Variants in DPYSL2 observed in about 807,000 individuals in gnomAD.
The protein encoded by DPYSL2 is dihydropyrimidinase like 2.
DPYSL2 carries 13 observed loss-of-function variants against 69.9 expected under a neutral mutation model. That is an observed-to-expected ratio of 0.19 (90% CI 0.12 to 0.30). The LOEUF (loss-of-function observed/expected upper bound fraction) is 0.30. Among genes scored for constraint, DPYSL2 ranks in the 10% least tolerant of loss-of-function variants. DPYSL2 has a pLI of 1.00. For missense variants in DPYSL2, 587 were observed against 918.9 expected, an observed-to-expected ratio of 0.64 and a Z score of 4.67; for synonymous variants, 326 against 359.1, an observed-to-expected ratio of 0.91 and a Z score of 1.04.
At chr8:26,615,492 A>C (rs1442942721) in intron 3 of DPYSL2, among the ~76,000 whole-genome samples, 1 of 152,076 alleles carries the variant, frequency 6.6e-6, no homozygotes, top group Non-Finnish European at 1.5e-5. Context: ...TGTCCAGTGG[A>C]TGCTGGGGTT....
chr8:26,547,166 C>T (rs983160167), intron 1 of DPYSL2, among the ~76,000 whole-genome samples: 3 of 151,790 alleles, frequency 2.0e-5, no homozygotes, highest in African/African-American at 7.3e-5. Flanking sequence ...AGTTGGAGGC[C>T]AGCCTGGGCA....
At chr8:26,616,327 C>G (rs1390355018) in intron 3 of DPYSL2, among the ~76,000 whole-genome samples, 1 of 152,090 alleles carries the variant, frequency 6.6e-6, no homozygotes, top group Non-Finnish European at 1.5e-5. Flanking sequence ...ATCTCTCCTT[C>G]AAAAAAAGCC....
chr8:26,651,047 C>T (rs1266523492), intron 11 of DPYSL2, among the ~76,000 whole-genome samples: 3 of 152,162 alleles, frequency 2.0e-5, no homozygotes, highest in East Asian at 3.9e-4. Flanking sequence ...GGATGAGTGT[C>T]TTAGAATTGA....
intron 7 of DPYSL2, among the ~76,000 whole-genome samples, chr8:26,633,761 C>T (rs1401242242): frequency 6.6e-6 from 1 of 152,154 alleles, no homozygotes; most frequent in African/African-American, 2.4e-5. Flanking sequence ...CAGGTGTGAG[C>T]CACCACACTG....
intron 4 of DPYSL2, among the ~76,000 whole-genome samples, chr8:26,625,345 G>C (rs1192000153): frequency 6.6e-6 from 1 of 152,198 alleles, no homozygotes; most frequent in Non-Finnish European, 1.5e-5. Flanking sequence ...ATCATGCGGA[G>C]ACTCCAAGTG....
chr8:26,568,823 C>T lies in DPYSL2; in HGVS notation c.355-13146C>T, dbSNP rs184000243. ...GGAGGGCCCAGTTGAGGGAGATCTG[C>T]GGTATTTTCTGGCTGTGGTGAGTAC... On this transcript the variant is annotated intron_variant, in intron 1 of 13. Coordinates refer to ENST00000521913, the MANE Select transcript of DPYSL2 (RefSeq NM_001197293.3). Among the ~76,000 whole-genome samples the T allele has an allele frequency of 5.1e-4, 78 of 152,208 alleles. 1 individual carries two copies. Among genetic ancestry groups the T allele is most frequent in the African/African-American group, 1.5e-3 (62 of 41,514 alleles).
chr8:26,647,030 T>G lies in DPYSL2; in HGVS notation c.1426-600T>G, dbSNP rs1439909995. ...GAAGCCTAGATCTGTGGCTGTATTT[T>G]GTTGAAAAGGACAGCCAATTGGGCC... On this transcript the variant is annotated intron_variant, in intron 10 of 13. Coordinates refer to ENST00000521913, the MANE Select transcript of DPYSL2 (RefSeq NM_001197293.3). The surrounding 1 kb of genome is among the most constrained non-coding windows in gnomAD (Gnocchi z 5.1). Among the ~76,000 whole-genome samples, 1 of 152,044 alleles carries G rather than the reference T, an allele frequency of 6.6e-6. No individual in the cohort carries two copies.
rs1801119174 is a variant in DPYSL2, at chr8:26,564,457, A to G, written c.355-17512A>G. Among the ~76,000 whole-genome samples the G allele has an allele frequency of 6.6e-6, 1 of 152,110 alleles. No homozygotes were observed. Among genetic ancestry groups the G allele is most frequent in the Non-Finnish European group, 1.5e-5 (1 of 68,026 alleles). On this transcript the variant is annotated intron_variant, in intron 1 of 13. Transcript: ENST00000521913. The surrounding 1 kb of genome is among the most constrained non-coding windows in gnomAD (Gnocchi z 4.8). ...ATTTGGGAGCAGGCCGGGGTGGGAA[A>G]CAGCATGGATTTGGGAATAATCCTT...
intron 2 of DPYSL2, 26 bp from the exon 3 acceptor site, chr8:26,583,773 C>T: frequency 6.3e-7 from 1 of 1,591,944 alleles, no homozygotes; most frequent in Non-Finnish European, 8.6e-7. Context: ...CATTTACAAC[C>T]CTTATCACCA....
At position 26,565,917 on chromosome 8, in the gene DPYSL2, T is replaced by C. The variant is rs957209547; in HGVS notation, c.355-16052T>C. Among the ~76,000 whole-genome samples, 6 of 152,210 alleles carry C rather than the reference T, an allele frequency of 3.9e-5. No homozygotes were observed. Among genetic ancestry groups the C allele is most frequent in the Non-Finnish European group, 8.8e-5 (6 of 68,032 alleles). On this transcript the variant is annotated intron_variant, in intron 1 of 13. Coordinates refer to ENST00000521913, the MANE Select transcript of DPYSL2 (RefSeq NM_001197293.3). This position sits in a 1 kb window ranked among gnomAD's most constrained non-coding sequence, Gnocchi z 4.1. Reference sequence around the variant, plus strand: ...GAGGAGGAAGAGGGAATTGTCTATGTCCTAGGCCTTGAAGAGATGCACTGC... The same window carrying C: ...GAGGAGGAAGAGGGAATTGTCTATGCCCTAGGCCTTGAAGAGATGCACTGC...
chr8:26,541,864 C>T (rs1347143699), intron 1 of DPYSL2, among the ~76,000 whole-genome samples: 4 of 151,402 alleles, frequency 2.6e-5, no homozygotes, highest in East Asian at 3.9e-4. Context: ...ACAAAGACAG[C>T]GAGAAAACAA....
At chr8:26,567,280 C>CCCATCCATCCATCCATCCAT (rs143811544) in intron 1 of DPYSL2, among the ~76,000 whole-genome samples, 8,106 of 149,240 alleles carry the variant, frequency 0.054, 344 homozygotes, top group Non-Finnish European at 0.077. Context: ...TATCCACCTA[C>CCCATCCATCCATCCATCCAT]CCATCCATCC....
At chr8:26,527,804 C>CTTTTTTTTTTTTTTT (rs34631984) in intron 1 of DPYSL2, among the ~76,000 whole-genome samples, 2 of 132,720 alleles carry the variant, frequency 1.5e-5, no homozygotes, top group African/African-American at 5.6e-5. Flanking sequence ...TTTGTTTATC[C>CTTTTTTTTTTTTTTT]TTTTTTTTTT....
At chr8:26,566,314 CA>C (rs1289832990) in intron 1 of DPYSL2, among the ~76,000 whole-genome samples, 1 of 151,934 alleles carries the variant, frequency 6.6e-6, no homozygotes, top group Non-Finnish European at 1.5e-5. Context: ...GGCTCAGATA[CA>C]AAAAAATCAC....
Position 26,585,382 on chromosome 8 carries a change from C to T in DPYSL2, c.628+1399C>T, listed in dbSNP as rs1049546081. ...TTGCCCCGCATTTTAAATCACAACT[C>T]ATCCTCTGGCGTTCTCTCTGTCCTG... is the stretch of plus-strand genomic sequence containing the variant. On this transcript the variant is annotated intron_variant, in intron 3 of 13. Transcript: ENST00000521913. This position sits in a 1 kb window ranked among gnomAD's most constrained non-coding sequence, Gnocchi z 4.0. 1.3e-5 allele frequency among the ~76,000 whole-genome samples: 2 copies of T among 152,150 alleles called. No homozygotes were observed. Among genetic ancestry groups the T allele is most frequent in the African/African-American group, 4.8e-5 (2 of 41,430 alleles).
chr8:26,590,079 G>A (rs964118651), intron 3 of DPYSL2, among the ~76,000 whole-genome samples: 10 of 152,194 alleles, frequency 6.6e-5, no homozygotes, highest in East Asian at 1.9e-4. Context: ...ACGTGTGAAC[G>A]CATGCACACA....
rs1353068460 is a variant in DPYSL2 at position 26,620,370 on chromosome 8, C to T, written c.629-3773C>T. The stretch of plus-strand genomic sequence containing the variant: ...CTCCTGGGTTCAAGTGATTCTCCTG[C>T]CTCAGCCTCCTGAGTAGCTGGGATT... On this transcript the variant is annotated intron_variant, in intron 3 of 13. Coordinates refer to ENST00000521913, the MANE Select transcript of DPYSL2 (RefSeq NM_001197293.3). The surrounding 1 kb of genome is among the most constrained non-coding windows in gnomAD (Gnocchi z 4.5). 2.6e-5 allele frequency among the ~76,000 whole-genome samples: 4 copies of T among 152,124 alleles called. No homozygotes were observed. Among genetic ancestry groups the T allele is most frequent in the Middle Eastern group, 3.2e-3 (1 of 316 alleles).
At chr8:26,578,737 C>G (rs1801418326) in intron 1 of DPYSL2, among the ~76,000 whole-genome samples, 1 of 152,160 alleles carries the variant, frequency 6.6e-6, no homozygotes, top group Non-Finnish European at 1.5e-5. Context: ...TCTTCCGCCC[C>G]CACCCAAAAA....
At chr8:26,612,627 G>A (rs1384682137) in intron 3 of DPYSL2, among the ~76,000 whole-genome samples, 2 of 152,346 alleles carry the variant, frequency 1.3e-5, no homozygotes, top group South Asian at 2.1e-4. Context: ...CGAGGCGGGT[G>A]GATCACTTGA....
Sources: allele counts gnomAD v4.1 joint callset (sites outside exome capture counted in the v4.1 genomes callset), GRCh38; gene constraint gnomAD v4.1.1; non-coding constraint Gnocchi (gnomAD v3.1); transcripts MANE v1.5; gene names NCBI Gene and HGNC (gene_info 2026-07-23, HGNC 2026-07-21).